The following SNRPD1 variants were observed in gnomAD, a reference collection of about 807,000 sequenced individuals.
SNRPD1 encodes the protein small nuclear ribonucleoprotein Sm D1.
Under a neutral mutation model 14.4 loss-of-function variants are expected in SNRPD1, and 1 was observed. That is an observed-to-expected ratio of 0.07 (90% CI 0.02 to 0.33). The LOEUF is 0.33. Ranked by LOEUF, SNRPD1 falls within the 10% of genes least tolerant of loss-of-function variation. The pLI is 1.00. For missense variants in SNRPD1, 52 were observed against 146.4 expected (o/e 0.36, Z 3.33); for synonymous variants, 42 against 50.3 (o/e 0.83, Z 0.70).
intron 1 of SNRPD1, among the ~76,000 whole-genome samples, chr18:21,612,749 C>CT (rs2038928656): frequency 6.6e-6 from 1 of 152,256 alleles, no homozygotes; most frequent in South Asian, 2.1e-4. Flanking sequence ...TACTCATTTT[C>CT]TTTTTGAGTG....
intron 3 of SNRPD1, among the ~76,000 whole-genome samples, chr18:21,624,638 C>T (rs181533562): frequency 1.1e-3 from 168 of 151,214 alleles, no homozygotes; most frequent in African/African-American, 3.7e-3. Flanking sequence ...TTGCTGTGAG[C>T]CAAGATCACG....
chr18:21,614,921 T>G (rs1372829544), intron 1 of SNRPD1, among the ~76,000 whole-genome samples: 1 of 152,244 alleles, frequency 6.6e-6, no homozygotes, highest in South Asian at 2.1e-4. Context: ...GTCACCACCA[T>G]TAAGTTCAGG....
intron 3 of SNRPD1, among the ~76,000 whole-genome samples, chr18:21,626,394 CAAAAAAAAAA>C (rs774960503): frequency 5.9e-5 from 3 of 51,086 alleles, no homozygotes; most frequent in Non-Finnish European, 3.7e-5. Context: ...ACCCTGTCGC[CAAAAAAAAAA>C]AAAAAAAAAA....
At chr18:21,623,984 A>T (rs756992544) in intron 3 of SNRPD1, 45 bp downstream of exon 3, 1 of 1,086,404 alleles carries the variant, frequency 9.2e-7, no homozygotes, top group African/African-American at 1.6e-5. Context: ...GCTAATCCTA[A>T]TCCACACTAT....
chr18:21,613,727 C>T (rs781101916), intron 1 of SNRPD1, among the ~76,000 whole-genome samples: 11 of 151,744 alleles, frequency 7.2e-5, no homozygotes, highest in African/African-American at 2.2e-4. Flanking sequence ...TGGTGGCGCG[C>T]GCCTTTAATC....
chr18:21,624,470 T>C (rs1598493550), intron 3 of SNRPD1, among the ~76,000 whole-genome samples: 1 of 151,334 alleles, frequency 6.6e-6, no homozygotes, highest in African/African-American at 2.4e-5. Context: ...GGTGGGCAGA[T>C]CACCTGAGGC....
At chr18:21,621,378 T>G (rs1284630901) in intron 1 of SNRPD1, among the ~76,000 whole-genome samples, 1 of 152,130 alleles carries the variant, frequency 6.6e-6, no homozygotes, top group South Asian at 2.1e-4. Context: ...TGGAATACTT[T>G]CCAGTTCTTA....
intron 3 of SNRPD1, among the ~76,000 whole-genome samples, chr18:21,628,221 A>AT (rs2039055062): frequency 6.6e-6 from 1 of 152,136 alleles, no homozygotes; most frequent in Non-Finnish European, 1.5e-5. Flanking sequence ...CTCTACAAAA[A>AT]TTTTAAAAAT....
chr18:21,617,895 CTT>C (rs2038969088), intron 1 of SNRPD1, among the ~76,000 whole-genome samples: 1 of 152,160 alleles, frequency 6.6e-6, no homozygotes, highest in Non-Finnish European at 1.5e-5. Context: ...ACAAGAATCT[CTT>C]GAACCCGGGA....
Position 21,632,593 on chromosome 18 carries a change from A to G in SNRPD1, c.*3455A>G, listed in dbSNP as rs1237613427. The G allele has an allele frequency of 6.6e-6, 1 of 152,154 alleles. No individual in the cohort carries two copies. The highest frequency in any genetic ancestry group is 1.5e-5 in the Non-Finnish European group (1 of 68,038). 9.4% of individuals were successfully genotyped at this position (152,154 alleles called of 1,614,324 possible). A position where few individuals can be genotyped will look rare whatever the true frequency, so the allele number is the denominator to read the frequency against. On this transcript the variant is annotated 3_prime_UTR_variant, in exon 4 of 4. Coordinates refer to ENST00000300413, the MANE Select transcript of SNRPD1 (RefSeq NM_006938.4). ...TGAGTTTATTCCACTAGAGGTCATT[A>G]TTTCATTTCCATGTGAAAGGGCTAA...
At chr18:21,619,748 C>G (rs987040514) in intron 1 of SNRPD1, among the ~76,000 whole-genome samples, 1 of 151,476 alleles carries the variant, frequency 6.6e-6, no homozygotes, top group Admixed American at 6.6e-5. Flanking sequence ...CCACTGCACT[C>G]CAGCCTGGGT....
At chr18:21,621,404 A>G (rs2038996943) in intron 1 of SNRPD1, among the ~76,000 whole-genome samples, 1 of 151,830 alleles carries the variant, frequency 6.6e-6, no homozygotes, top group South Asian at 2.1e-4. Flanking sequence ...TTATTTTGTT[A>G]TTTTGGCTTT....
chr18:21,613,406 C>T (rs1402466137), intron 1 of SNRPD1, among the ~76,000 whole-genome samples: 2 of 152,154 alleles, frequency 1.3e-5, no homozygotes, highest in Non-Finnish European at 2.9e-5. Context: ...AGTTATTGGG[C>T]ACCTGTTACA....
chr18:21,627,951 TCTC>T (rs1328595952), intron 3 of SNRPD1, among the ~76,000 whole-genome samples: 2 of 152,180 alleles, frequency 1.3e-5, no homozygotes, highest in East Asian at 3.9e-4. Flanking sequence ...ATCAGCTGGT[TCTC>T]CTCAGTTTTC....
At chr18:21,623,344 AAGC>A (rs2039012341) in intron 2 of SNRPD1, among the ~76,000 whole-genome samples, 1 of 152,156 alleles carries the variant, frequency 6.6e-6, no homozygotes, top group Non-Finnish European at 1.5e-5. Flanking sequence ...ATCTTAACAA[AAGC>A]AGTAACAATT....
At chr18:21,625,316 A>AATTTTTTTT (rs771340999) in intron 3 of SNRPD1, among the ~76,000 whole-genome samples, 9 of 109,104 alleles carry the variant, frequency 8.2e-5, no homozygotes, top group African/African-American at 4.5e-4. Context: ...GTTGAAAAAA[A>AATTTTTTTT]TTTTTTTTTT....
At chr18:21,622,581 C>A in intron 1 of SNRPD1, 144 bp from the exon 2 acceptor site, 1 of 583,690 alleles carries the variant, frequency 1.7e-6, no homozygotes, top group Non-Finnish European at 3.1e-6. Context: ...TTCAGGAAAG[C>A]TGAAATTGTT....
At chr18:21,625,831 G>A (rs985173700) in intron 3 of SNRPD1, among the ~76,000 whole-genome samples, 5 of 151,868 alleles carry the variant, frequency 3.3e-5, no homozygotes, top group Non-Finnish European at 7.4e-5. Context: ...AAGCGGTCTC[G>A]ATCTCCTGAC....
rs1416645955 is a variant in SNRPD1 at position 21,632,741 on chromosome 18, C to G, written c.*3603C>G. 4.6e-5 allele frequency: 7 copies of G among 152,272 alleles called. No homozygotes were observed. In the East Asian group the frequency reaches 7.7e-4, roughly 17 times the overall value. 9.4% of individuals were successfully genotyped at this position (152,272 alleles called of 1,614,324 possible). A position where few individuals can be genotyped will look rare whatever the true frequency, so the allele number is the denominator to read the frequency against. On this transcript the variant is annotated 3_prime_UTR_variant, in exon 4 of 4. Transcript: ENST00000300413. ...TTCTCTTGACCCCTCTTCACCACCCCCTAAAAGGCAGATGGGATCTTAGGA... is the reference window on the plus strand; with the variant it reads ...TTCTCTTGACCCCTCTTCACCACCCGCTAAAAGGCAGATGGGATCTTAGGA...
Sources: allele counts gnomAD v4.1 joint callset (sites outside exome capture counted in the v4.1 genomes callset), GRCh38; gene constraint gnomAD v4.1.1; transcripts MANE v1.5; gene names NCBI Gene and HGNC (gene_info 2026-07-23, HGNC 2026-07-21).